The following WDR17 variants were observed in gnomAD, a reference collection of about 807,000 sequenced individuals.
The protein encoded by WDR17 is WD repeat-containing protein 17.
In WDR17, 143 loss-of-function variants were observed where a neutral mutation model predicts 161.7. That is an observed-to-expected ratio of 0.88 (90% CI 0.77 to 1.02). The LOEUF (loss-of-function observed/expected upper bound fraction) is 1.02, where lower values mean the gene tolerates loss of function less well. Ranked by LOEUF, WDR17 falls within the 50% of genes least tolerant of loss-of-function variation. The pLI, the probability that WDR17 is intolerant of heterozygous loss-of-function variation, is 0.00. For synonymous variants in WDR17, 517 were observed against 515.6 expected (o/e 1.00, Z -0.04); for missense variants, 1,469 against 1,520.9 (o/e 0.97, Z 0.57).
intron 11 of WDR17, among the ~76,000 whole-genome samples, chr4:176,144,943 A>T (rs900212010): frequency 1.3e-5 from 2 of 152,116 alleles, no homozygotes; most frequent in Non-Finnish European, 2.9e-5. Context: ...ATTTTCCCAA[A>T]TGTAGAAACT....
chr4:176,175,692 G>A (rs548383319), intron 26 of WDR17, among the ~76,000 whole-genome samples: 306 of 145,786 alleles, frequency 2.1e-3, no homozygotes, highest in African/African-American at 7.8e-3. Context: ...CGAGTAGCTG[G>A]GACTACAGGT....
chr4:176,085,326 G>A (rs536789852), intron 1 of WDR17, among the ~76,000 whole-genome samples: 1 of 152,090 alleles, frequency 6.6e-6, no homozygotes, highest in East Asian at 1.9e-4. Context: ...TTTCAGGTTT[G>A]GGGAAGATAT....
intron 1 of WDR17, among the ~76,000 whole-genome samples, chr4:176,097,752 C>CAA (rs1171073077): frequency 7.5e-4 from 114 of 151,218 alleles, no homozygotes; most frequent in African/African-American, 2.6e-3. Context: ...TACACACACA[C>CAA]ACACACACAC....
chr4:176,121,417 G>A (rs1428415423), intron 4 of WDR17, among the ~76,000 whole-genome samples: 1 of 151,046 alleles, frequency 6.6e-6, no homozygotes, highest in Non-Finnish European at 1.5e-5. Context: ...GCTGTATGCT[G>A]TGTGGTTCCT....
chr4:176,162,229 G>A (rs1323125376), intron 21 of WDR17, 55 bp downstream of exon 21: 20 of 1,492,510 alleles, frequency 1.3e-5, no homozygotes, highest in Non-Finnish European at 1.8e-5. Context: ...ATATGTCATG[G>A]TGTTTGAGAG....
chr4:176,127,247 C>A (rs1579121654), intron 5 of WDR17, among the ~76,000 whole-genome samples: 2 of 151,838 alleles, frequency 1.3e-5, no homozygotes, highest in Admixed American at 1.3e-4. Flanking sequence ...ATTTATATAT[C>A]TTAATTGCCT....
chr4:176,146,246 T>C (rs1746141893), intron 12 of WDR17, 87 bp downstream of exon 12: 2 of 1,411,648 alleles, frequency 1.4e-6, no homozygotes, highest in Non-Finnish European at 1.9e-6. Flanking sequence ...AGGAGATATA[T>C]AGATATATAC....
intron 8 of WDR17, among the ~76,000 whole-genome samples, chr4:176,136,610 T>C (rs1744451070): frequency 6.6e-6 from 1 of 151,528 alleles, no homozygotes. Flanking sequence ...TTGAGGTAAG[T>C]GGGGATGATA....
In WDR17 at chr4:176,179,630, T is replaced by C; in HGVS notation, c.*51T>C. The C allele has an allele frequency of 6.7e-7, 1 of 1,494,158 alleles. No individual in the cohort carries two copies. The highest frequency in any genetic ancestry group is 1.4e-5 in the African/African-American group (1 of 70,204). The allele number at this position is 1,494,158 out of a possible 1,614,324, so 92.6% of individuals were successfully genotyped here. A position where few individuals can be genotyped will look rare whatever the true frequency, so the allele number is the denominator to read the frequency against. ...TTTTTTTTTTAAAGAAAAACTTTCA[T>C]GGGTTAGCATTACCTTAATCTTTGT... On this transcript the variant is annotated 3_prime_UTR_variant, in exon 29 of 29. Coordinates refer to ENST00000508596, the MANE Select transcript of WDR17 (RefSeq NM_181265.4).
At chr4:176,084,720 C>G (rs1735196798) in intron 1 of WDR17, among the ~76,000 whole-genome samples, 1 of 147,974 alleles carries the variant, frequency 6.8e-6, no homozygotes, top group African/African-American at 2.5e-5. Flanking sequence ...TAATCATCCT[C>G]TCTTTTTAAA....
intron 1 of WDR17, among the ~76,000 whole-genome samples, chr4:176,099,735 C>T (rs1053681074): frequency 2.0e-5 from 3 of 152,006 alleles, no homozygotes; most frequent in Admixed American, 6.6e-5. Context: ...ATCATCCACC[C>T]CCTCCCACTC....
At chr4:176,112,236 C>T (rs942456777) in intron 2 of WDR17, among the ~76,000 whole-genome samples, 1 of 152,158 alleles carries the variant, frequency 6.6e-6, no homozygotes, top group East Asian at 1.9e-4. Flanking sequence ...CTTTGACTCC[C>T]TCTTCCACTC....
intron 1 of WDR17, among the ~76,000 whole-genome samples, chr4:176,073,718 C>T (rs1733565246): frequency 6.7e-6 from 1 of 149,756 alleles, no homozygotes; most frequent in South Asian, 2.2e-4. Flanking sequence ...TACAGTCCCA[C>T]CAACAGTGTA....
At chr4:176,108,870 A>G (rs1278689910) in intron 1 of WDR17, among the ~76,000 whole-genome samples, 1 of 152,168 alleles carries the variant, frequency 6.6e-6, no homozygotes, top group Non-Finnish European at 1.5e-5. Context: ...GTTCACTGCA[A>G]CATGCACCTC....
intron 1 of WDR17, among the ~76,000 whole-genome samples, chr4:176,068,597 G>A (rs184033665): frequency 2.0e-5 from 3 of 151,868 alleles, no homozygotes; most frequent in Admixed American, 6.6e-5. Flanking sequence ...GCAAGACAAC[G>A]TCAAAAAAAT....
intron 22 of WDR17, among the ~76,000 whole-genome samples, chr4:176,167,664 A>AAC (rs1554036555): frequency 6.8e-6 from 1 of 146,822 alleles, no homozygotes; most frequent in Non-Finnish European, 1.5e-5. Context: ...AAAAAAAAAA[A>AAC]AAAAAAAACA....
chr4:176,177,060 A>G lies in WDR17; in HGVS notation c.3452A>G (p.Gln1151Arg), dbSNP rs747047672. 1 of 1,612,794 alleles carries G rather than the reference A, an allele frequency of 6.2e-7. No individual in the cohort carries two copies. The highest frequency in any genetic ancestry group is 1.1e-5 in the South Asian group (1 of 91,016). Residue 1151 changes from glutamine to arginine, a missense_variant and splice_region_variant, in exon 27 of 29, where the codon CAG becomes CGG. Coordinates refer to ENST00000508596, the MANE Select transcript of WDR17 (RefSeq NM_181265.4). ...IVPALYEYTS[Q>R]LLKRREVSVP... ...TAATTTCCTTTTCACACGTTCAGTC[A>G]GCTATTAAAACGTCGGGAGGTGTCA...
chr4:176,167,151 CTTAA>C (rs1479663330), intron 22 of WDR17, among the ~76,000 whole-genome samples: 6 of 152,056 alleles, frequency 3.9e-5, no homozygotes, highest in Admixed American at 6.5e-5. Flanking sequence ...TCATTATATT[CTTAA>C]TTAAGCACCT....
intron 8 of WDR17, among the ~76,000 whole-genome samples, chr4:176,135,946 C>A (rs141985683): frequency 6.6e-4 from 100 of 151,660 alleles, no homozygotes; most frequent in African/African-American, 2.2e-3. Context: ...GTGGATGTAG[C>A]TCATCCTTAT....
Sources: gnomAD v4.1 joint callset for allele counts (sites outside exome capture counted in the v4.1 genomes callset) on GRCh38, gnomAD v4.1.1 for gene constraint, MANE v1.5 for transcripts, NCBI Gene and HGNC (gene_info 2026-07-23, HGNC 2026-07-21) for gene names.